Variants in RUNDC3B observed in about 807,000 individuals in gnomAD.
RUNDC3B encodes the protein RUN domain-containing protein 3B.
In RUNDC3B, 33 loss-of-function variants were observed where a neutral mutation model predicts 58.4. That is an observed-to-expected ratio of 0.56 (90% CI 0.43 to 0.75). RUNDC3B has a LOEUF of 0.75. Among genes scored for constraint, RUNDC3B ranks in the 30% least tolerant of loss-of-function variants. The pLI, the probability that RUNDC3B is intolerant of heterozygous loss-of-function variation, is 0.00. For synonymous variants in RUNDC3B, 193 were observed against 195.2 expected (o/e 0.99, Z 0.10); for missense variants, 501 against 535.7 (o/e 0.94, Z 0.64).
chr7:87,643,528 G>T (rs1042516052), intron 1 of RUNDC3B, among the ~76,000 whole-genome samples: 1 of 152,008 alleles, frequency 6.6e-6, no homozygotes, highest in African/African-American at 2.4e-5. Context: ...TTTTTTGGGT[G>T]TGTGGGTGCG....
In RUNDC3B at chr7:87,668,567, T is replaced by C. The variant is rs181484251; in HGVS notation, c.238+17630T>C. On this transcript the variant is annotated intron_variant, in intron 2 of 10. Transcript: ENST00000394654. The stretch of plus-strand genomic sequence containing the variant: ...TGCCTAATTCTTTCAGTTGTGAAGG[T>C]AGGTTGTTAATTTGAGATCTCTCTA... Among the ~76,000 whole-genome samples, 3 of 152,194 alleles carry C rather than the reference T, an allele frequency of 2.0e-5. No individual in the cohort carries two copies. The East Asian group carries it at 5.8e-4, about 29-fold the overall frequency.
intron 8 of RUNDC3B, among the ~76,000 whole-genome samples, chr7:87,800,961 C>T (rs1836115272): frequency 6.6e-6 from 1 of 152,042 alleles, no homozygotes; most frequent in South Asian, 2.1e-4. Flanking sequence ...TTTATGTACA[C>T]CTTATACACA....
chr7:87,707,370 A>G (rs2130728231), intron 3 of RUNDC3B, among the ~76,000 whole-genome samples: 1 of 152,282 alleles, frequency 6.6e-6, no homozygotes, highest in South Asian at 2.1e-4. Context: ...TAAAATTACT[A>G]GATTATTGGA....
At chr7:87,634,610 G>C (rs1307955174) in intron 1 of RUNDC3B, among the ~76,000 whole-genome samples, 1 of 150,486 alleles carries the variant, frequency 6.6e-6, no homozygotes, top group Non-Finnish European at 1.5e-5. Flanking sequence ...CTGGGAGAAA[G>C]AGTGAGACTC....
At chr7:87,762,791 C>A (rs1012070546) in intron 6 of RUNDC3B, among the ~76,000 whole-genome samples, 1 of 151,180 alleles carries the variant, frequency 6.6e-6, no homozygotes, top group Non-Finnish European at 1.5e-5. Flanking sequence ...AAAATATACA[C>A]CAAGAATTTA....
chr7:87,776,082 A>G (rs1834606297), intron 7 of RUNDC3B, among the ~76,000 whole-genome samples: 2 of 152,202 alleles, frequency 1.3e-5, no homozygotes, highest in African/African-American at 4.8e-5. Flanking sequence ...TATAATATCA[A>G]GTGGGAATGT....
intron 4 of RUNDC3B, among the ~76,000 whole-genome samples, chr7:87,723,702 C>T (rs984799606): frequency 6.6e-6 from 1 of 151,986 alleles, no homozygotes; most frequent in African/African-American, 2.4e-5. Context: ...GATATAAATA[C>T]AAGACTAGGA....
intron 8 of RUNDC3B, 78 bp from the exon 9 acceptor site, chr7:87,807,295 C>A: frequency 7.2e-7 from 1 of 1,392,836 alleles, no homozygotes; most frequent in African/African-American, 1.4e-5. Context: ...ATTTTGGGGG[C>A]CTAAATTGAT....
intron 1 of RUNDC3B, among the ~76,000 whole-genome samples, chr7:87,629,940 T>A (rs938030724): frequency 6.6e-6 from 1 of 151,310 alleles, no homozygotes; most frequent in African/African-American, 2.4e-5. Context: ...AAAAAAGAAC[T>A]ATTTATAGTA....
chr7:87,693,778 G>A, intron 2 of RUNDC3B: 4 of 741,710 alleles, frequency 5.4e-6, no homozygotes, highest in Non-Finnish European at 8.8e-6. Flanking sequence ...TATTTAGTAG[G>A]TAAAAGTAGT....
intron 2 of RUNDC3B, among the ~76,000 whole-genome samples, chr7:87,654,854 AAAAT>A (rs1212056749): frequency 2.6e-5 from 4 of 152,090 alleles, no homozygotes; most frequent in African/African-American, 9.7e-5. Flanking sequence ...CAATAGTAAG[AAAAT>A]AAATAGCCTG....
At chr7:87,645,084 T>TC (rs983935827) in intron 1 of RUNDC3B, among the ~76,000 whole-genome samples, 22 of 149,134 alleles carry the variant, frequency 1.5e-4, no homozygotes, top group African/African-American at 4.9e-4. Flanking sequence ...TTTCTTTCTT[T>TC]TTTTTTTTTT....
At chr7:87,748,065 G>T (rs1275328432) in intron 6 of RUNDC3B, among the ~76,000 whole-genome samples, 1 of 152,118 alleles carries the variant, frequency 6.6e-6, no homozygotes, top group African/African-American at 2.4e-5. Context: ...TGGAGTTTTA[G>T]CCCCTGCTCC....
chr7:87,740,337 A>T (rs183256467), intron 5 of RUNDC3B, among the ~76,000 whole-genome samples: 12 of 142,724 alleles, frequency 8.4e-5, no homozygotes, highest in African/African-American at 2.1e-4. Context: ...GGAGAATATT[A>T]AAAAAAAAAA....
chr7:87,802,531 A>AT (rs1836226300), intron 8 of RUNDC3B, among the ~76,000 whole-genome samples: 1 of 152,236 alleles, frequency 6.6e-6, no homozygotes. Context: ...GTCAAAAGTA[A>AT]TTTAATTATA....
In RUNDC3B at chr7:87,820,886, T is replaced by C. The variant is rs1340484938; in HGVS notation, c.1225+4624T>C. On this transcript the variant is annotated intron_variant, in intron 10 of 10. Transcript: ENST00000394654. ...ATAAATTAGGTATTGATGGGACATA[T>C]CTCAAAATAATAAAGAGCTATCTAT... 2.6e-5 allele frequency among the ~76,000 whole-genome samples: 4 copies of C among 151,952 alleles called. No homozygotes were observed. In the East Asian group the frequency reaches 7.7e-4, roughly 29 times the overall value.
chr7:87,825,971 A>C (rs538201228), intron 10 of RUNDC3B, among the ~76,000 whole-genome samples: 1 of 152,290 alleles, frequency 6.6e-6, no homozygotes, highest in East Asian at 1.9e-4. Flanking sequence ...TTATAGGCTC[A>C]TAGGTAGAAG....
chr7:87,705,934 T>C (rs1235700675), intron 3 of RUNDC3B, among the ~76,000 whole-genome samples: 1 of 152,206 alleles, frequency 6.6e-6, no homozygotes, highest in Admixed American at 6.5e-5. Flanking sequence ...TTTTTCATTT[T>C]CTTGGCCCCA....
intron 6 of RUNDC3B, among the ~76,000 whole-genome samples, chr7:87,757,180 T>G (rs1289644803): frequency 6.6e-6 from 1 of 152,172 alleles, no homozygotes; most frequent in African/African-American, 2.4e-5. Context: ...GTTACTGTAA[T>G]AATACATTTT....
Sources: gnomAD v4.1 joint callset for allele counts (sites outside exome capture counted in the v4.1 genomes callset) on GRCh38, gnomAD v4.1.1 for gene constraint, MANE v1.5 for transcripts, NCBI Gene and HGNC (gene_info 2026-07-23, HGNC 2026-07-21) for gene names.